The following ZZEF1 variants were observed in gnomAD, a reference collection of about 807,000 sequenced individuals.
The protein encoded by ZZEF1 is zinc finger ZZ-type and EF-hand domain containing 1.
A neutral mutation model predicts 342.8 loss-of-function variants in ZZEF1; 157 were observed. That is an observed-to-expected ratio of 0.46 (90% CI 0.40 to 0.52). ZZEF1 has a LOEUF of 0.52. Among genes scored for constraint, ZZEF1 ranks in the 20% least tolerant of loss-of-function variants. The probability of loss-of-function intolerance (pLI) is 0.00; values close to 1 mark genes in which losing one functional copy is unlikely to be tolerated. For synonymous variants in ZZEF1, 1,505 were observed against 1,429.1 expected (o/e 1.05, Z -1.20); for missense variants, 3,480 against 3,725.6 (o/e 0.93, Z 1.72).
At chr17:4,035,287 G>A (rs911582288) in intron 39 of ZZEF1, among the ~76,000 whole-genome samples, 2 of 152,162 alleles carry the variant, frequency 1.3e-5, no homozygotes, top group Non-Finnish European at 2.9e-5. Context: ...TGTGACTCAA[G>A]AGGGCACTAT....
intron 37 of ZZEF1, among the ~76,000 whole-genome samples, chr17:4,047,818 G>A (rs929310271): frequency 3.4e-5 from 5 of 148,802 alleles, no homozygotes; most frequent in Admixed American, 6.8e-5. Flanking sequence ...GTGGGCGCCT[G>A]TAGTCCCAGT....
At chr17:4,074,117 G>A (rs112438340) in intron 24 of ZZEF1, 33 bp downstream of exon 24, 4 of 1,608,212 alleles carry the variant, frequency 2.5e-6, no homozygotes, top group Admixed American at 1.7e-5. Flanking sequence ...CACCGTGGTT[G>A]TAAGAAGGGA....
intron 9 of ZZEF1, among the ~76,000 whole-genome samples, chr17:4,101,926 G>A (rs1198658477): frequency 2.6e-5 from 4 of 151,800 alleles, no homozygotes; most frequent in East Asian, 1.9e-4. Context: ...CACTGCACCC[G>A]GCCTGGAAAT....
intron 37 of ZZEF1, among the ~76,000 whole-genome samples, chr17:4,047,975 T>C (rs1025451339): frequency 1.3e-5 from 2 of 151,998 alleles, no homozygotes; most frequent in Admixed American, 6.6e-5. Context: ...TTTTTATCCA[T>C]TGAATTAAAA....
chr17:4,040,739 G>T (rs2056784805), intron 39 of ZZEF1, among the ~76,000 whole-genome samples: 1 of 152,194 alleles, frequency 6.6e-6, no homozygotes, highest in Non-Finnish European at 1.5e-5. Context: ...ACAGTCGGCT[G>T]GCACAGAGCA....
In ZZEF1 at chr17:4,064,199, G is replaced by GA. The variant is rs35217401; in HGVS notation, c.4718+161dup. 7.6e-4 allele frequency among the ~76,000 whole-genome samples: 106 copies of GA among 138,990 alleles called. 1 individual carries two copies. Among genetic ancestry groups the GA allele is most frequent in the Admixed American group, 1.1e-3 (16 of 14,028 alleles). 91.2% of individuals were successfully genotyped at this position (138,990 alleles called of 152,430 possible). On this transcript the variant is annotated intron_variant, in intron 29 of 54. Coordinates refer to ENST00000381638, the MANE Select transcript of ZZEF1 (RefSeq NM_015113.4). Reference sequence around the variant, plus strand: ...CCCACCCAAAAATTACTTCTTTAAAGAAAAAAAAAAAAATCAAAACTTTTC... The same window carrying GA: ...CCCACCCAAAAATTACTTCTTTAAAGAAAAAAAAAAAAAATCAAAACTTTTC...
At chr17:4,011,497 T>C (rs554018945) in intron 52 of ZZEF1, among the ~76,000 whole-genome samples, 4 of 151,938 alleles carry the variant, frequency 2.6e-5, no homozygotes, top group African/African-American at 9.6e-5. Context: ...GGCAGAAAGC[T>C]TTTCCCTAAG....
At chr17:4,085,235 G>A (rs1207226938) in intron 16 of ZZEF1, among the ~76,000 whole-genome samples, 1 of 152,106 alleles carries the variant, frequency 6.6e-6, no homozygotes, top group Non-Finnish European at 1.5e-5. Context: ...GAGGAAAGGG[G>A]GGTGAGGTAC....
Position 4,081,397 on chromosome 17 carries a change from G to T in ZZEF1, c.2808C>A (p.Leu936=), listed in dbSNP as rs562954309. The T allele has an allele frequency of 1.9e-6, 3 of 1,613,664 alleles. No homozygotes were observed. The highest frequency in any genetic ancestry group is 1.8e-4 in the Middle Eastern group (1 of 5,712). Residue 936 remains leucine (L), a synonymous_variant, in exon 18 of 55, where the codon CTC becomes CTA. Coordinates refer to ENST00000381638, the MANE Select transcript of ZZEF1 (RefSeq NM_015113.4). ...ATACCTCTCGAGCAGCAACAGAGAC[G>T]AGAGTGTCCATGACCGCCAGGACTT... ...ISEVLAVMDT[L]VSVAARECEL...
At chr17:4,103,433 G>A (rs1263252690) in intron 8 of ZZEF1, among the ~76,000 whole-genome samples, 1 of 151,958 alleles carries the variant, frequency 6.6e-6, no homozygotes, top group East Asian at 1.9e-4. Flanking sequence ...TATAGTCCCA[G>A]CTACTCAGGA....
Position 4,008,802 on chromosome 17 carries a change from T to TCC in ZZEF1, c.8805+80_8805+81insGG. ...GATTCTGTCCTACTCAGACGCAATG[T>TCC]ACAGACCTTCTCTGCCCTGGCAATG... On this transcript the variant is annotated intron_variant, in intron 54 of 54. Transcript: ENST00000381638. The surrounding 1 kb of genome is among the most constrained non-coding windows in gnomAD (Gnocchi z 4.2). 6.5e-7 allele frequency: 1 copy of TCC among 1,529,460 alleles called. No individual in the cohort carries two copies. The highest frequency in any genetic ancestry group is 2.0e-5 in the Admixed American group (1 of 50,546). The allele number at this position is 1,529,460 out of a possible 1,614,324, so 94.7% of individuals were successfully genotyped here.
intron 54 of ZZEF1, 41 bp from the exon 55 acceptor site, chr17:4,007,011 C>T (rs372467354): frequency 2.6e-5 from 39 of 1,527,918 alleles, no homozygotes; most frequent in Non-Finnish European, 3.3e-5. Context: ...TCGGGAGCCA[C>T]TCCCTCATTC....
At chr17:4,079,929 A>G (rs1002342705) in intron 18 of ZZEF1, among the ~76,000 whole-genome samples, 2 of 152,242 alleles carry the variant, frequency 1.3e-5, no homozygotes, top group Non-Finnish European at 2.9e-5. Flanking sequence ...CTTCAAGTCC[A>G]CATCATTAGA....
chr17:4,008,953 T>G lies in ZZEF1; in HGVS notation c.8735A>C (p.Glu2912Ala). 1 of 1,540,706 alleles carries G rather than the reference T, an allele frequency of 6.5e-7. No individual in the cohort carries two copies. The change falls in exon 54 of 55, where the codon GAG becomes GCG. Residue 2912 changes from glutamate (E) to alanine (A), a missense_variant and splice_region_variant. By Grantham distance (107) the Glu-to-Ala change is moderately radical. Around this residue, in one of 5 missense-constraint regions of ZZEF1, gnomAD observed 1,269 missense variants for 1,342.4 expected, o/e 0.95. Coordinates refer to ENST00000381638, the MANE Select transcript of ZZEF1 (RefSeq NM_015113.4). This position sits in a 1 kb window ranked among gnomAD's most constrained non-coding sequence, Gnocchi z 4.2. The stretch of plus-strand genomic sequence containing the variant: ...CAGGTAATCCTGCAGCACGCCAAGC[T>G]CCTGCAGAGAGAGAGCAGGGGCTGT... The part of the protein sequence containing the change: ...LFFVTENRAQ[E>A]LGVLQDYLLA...
intron 53 of ZZEF1, 130 bp from the exon 54 acceptor site, chr17:4,009,084 A>G: frequency 8.9e-7 from 1 of 1,123,618 alleles, no homozygotes; most frequent in Non-Finnish European, 1.3e-6. Context: ...GCCGCCCAGC[A>G]CCGCGTGGCA....
At chr17:4,092,476 T>C (rs2057963487) in intron 11 of ZZEF1, among the ~76,000 whole-genome samples, 1 of 152,020 alleles carries the variant, frequency 6.6e-6, no homozygotes, top group Admixed American at 6.6e-5. Flanking sequence ...TTTTTTTGTA[T>C]TTTTAGTATA....
intron 16 of ZZEF1, 79 bp downstream of exon 16, chr17:4,085,591 T>A: frequency 6.4e-7 from 1 of 1,561,500 alleles, no homozygotes; most frequent in Non-Finnish European, 8.7e-7. Context: ...ACAGACGATA[T>A]ATTCAGAGGT....
rs779795909 is a variant in ZZEF1, at chr17:4,109,679, A to C, written c.1251T>G (p.Phe417Leu). 23 of 1,614,176 alleles carry C rather than the reference A, an allele frequency of 1.4e-5. No homozygotes were observed. The Admixed American group carries it at 3.8e-4, about 27-fold the overall frequency. ...GAGTATTGTGCAGCACTGTCTGGACAAAGGCGGGATTTGTCTCCATAGAAG... is the reference window on the plus strand; with the variant it reads ...GAGTATTGTGCAGCACTGTCTGGACCAAGGCGGGATTTGTCTCCATAGAAG... ...VTASMETNPA[F>L]VQTVLHNTQK... The change falls in exon 6 of 55, where the codon TTT becomes TTG. Residue 417 changes from phenylalanine to leucine, a missense_variant. This residue lies in a region of ZZEF1 where 1,528 missense variants were observed against 1,624.1 expected (regional missense o/e 0.94). Transcript: ENST00000381638.
chr17:4,109,908 A>G (rs1001942845), intron 5 of ZZEF1, 45 bp from the exon 6 acceptor site: 1 of 1,601,176 alleles, frequency 6.2e-7, no homozygotes, highest in African/African-American at 1.3e-5. Context: ...TAACTTCTTT[A>G]GGCAAATGCT....
Sources: gnomAD v4.1 joint callset for allele counts (sites outside exome capture counted in the v4.1 genomes callset) on GRCh38, gnomAD v4.1.1 for gene constraint, gnomAD v4.1.1 regional missense constraint, Gnocchi (gnomAD v3.1) non-coding constraint, MANE v1.5 for transcripts, NCBI Gene and HGNC (gene_info 2026-07-23, HGNC 2026-07-21) for gene names.